The following ANO4 variants were observed in gnomAD, a reference collection of about 807,000 sequenced individuals.
ANO4 encodes anoctamin-4.
In ANO4, 69 loss-of-function variants were observed where a neutral mutation model predicts 141.9. That is an observed-to-expected ratio of 0.49 (90% CI 0.40 to 0.59). The LOEUF (loss-of-function observed/expected upper bound fraction) is 0.59. Among genes scored for constraint, ANO4 ranks in the 20% least tolerant of loss-of-function variants. The probability of loss-of-function intolerance (pLI) is 0.00; values close to 1 mark genes in which losing one functional copy is unlikely to be tolerated. For missense variants in ANO4, 894 were observed against 1,162.2 expected (o/e 0.77, Z 3.36); for synonymous variants, 350 against 394.3 (o/e 0.89, Z 1.33).
At chr12:100,828,511 T>C (rs994803550) in intron 1 of ANO4, among the ~76,000 whole-genome samples, 1 of 152,076 alleles carries the variant, frequency 6.6e-6, no homozygotes, top group African/African-American at 2.4e-5. Context: ...TCAAAATGAC[T>C]AGTATTTACA....
chr12:101,100,063 GAATAAT>G (rs781699463), intron 22 of ANO4, among the ~76,000 whole-genome samples: 42 of 152,222 alleles, frequency 2.8e-4, no homozygotes, highest in Non-Finnish European at 5.3e-4. Context: ...TCTAAAGTGG[GAATAAT>G]AATAAGAGGA....
chr12:100,936,021 A>C (rs933067331), intron 3 of ANO4, among the ~76,000 whole-genome samples: 11 of 152,160 alleles, frequency 7.2e-5, no homozygotes, highest in Admixed American at 2.6e-4. Flanking sequence ...CTCTCACAGC[A>C]GACTTTCTAA....
At chr12:100,876,134 G>A (rs192861011) in intron 1 of ANO4, among the ~76,000 whole-genome samples, 5 of 151,942 alleles carry the variant, frequency 3.3e-5, no homozygotes, top group African/African-American at 4.8e-5. Context: ...TTTATTTTTC[G>A]CCAGGCCCTA....
intron 1 of ANO4, among the ~76,000 whole-genome samples, chr12:100,799,638 G>A (rs2034559578): frequency 6.6e-6 from 1 of 152,146 alleles, no homozygotes; most frequent in South Asian, 2.1e-4. Context: ...CTACTCAGGA[G>A]GCTGAGGTAA....
chr12:100,792,521 A>G (rs1274194470), upstream of ANO4, among the ~76,000 whole-genome samples: 1 of 152,268 alleles, frequency 6.6e-6, no homozygotes, highest in Non-Finnish European at 1.5e-5. Context: ...GTACATTACA[A>G]AAATTAATGT....
At chr12:100,825,735 A>G (rs779181374) in intron 1 of ANO4, among the ~76,000 whole-genome samples, 1 of 152,082 alleles carries the variant, frequency 6.6e-6, no homozygotes, top group Non-Finnish European at 1.5e-5. Context: ...ACACATAATT[A>G]ACACTAATAC....
intron 1 of ANO4, among the ~76,000 whole-genome samples, chr12:100,802,651 GTACTTA>G (rs1186542216): frequency 6.6e-6 from 1 of 152,182 alleles, no homozygotes; most frequent in East Asian, 1.9e-4. Flanking sequence ...CACTCCACAA[GTACTTA>G]ATCGAGCACG....
At chr12:100,885,346 ATCT>A (rs2039776860) in intron 1 of ANO4, 1 of 152,174 alleles carries the variant, frequency 6.6e-6, no homozygotes, top group South Asian at 2.1e-4. Context: ...TTACCAGCCC[ATCT>A]TCTTATGTTT....
intron 2 of ANO4, among the ~76,000 whole-genome samples, chr12:100,916,412 TATTC>T (rs1417752624): frequency 6.6e-6 from 1 of 152,170 alleles, no homozygotes; most frequent in African/African-American, 2.4e-5. Context: ...TCATTATTGT[TATTC>T]ATAATGTGAA....
At chr12:101,080,883 T>A (rs200734062) in intron 15 of ANO4, among the ~76,000 whole-genome samples, 1,284 of 74,054 alleles carry the variant, frequency 0.017, 43 homozygotes, top group African/African-American at 0.046. Flanking sequence ...TATATATATA[T>A]TATATATATA....
intron 1 of ANO4, among the ~76,000 whole-genome samples, chr12:100,863,405 C>T (rs1032072658): frequency 2.6e-5 from 4 of 152,136 alleles, no homozygotes; most frequent in African/African-American, 9.7e-5. Flanking sequence ...TTTCAATACT[C>T]AGCTCAAGTG....
At position 101,079,397 on chromosome 12, in the gene ANO4, A is replaced by G. The variant is rs2049153843; in HGVS notation, c.1395+122A>G. On this transcript the variant is annotated intron_variant, in intron 15 of 27. Transcript: ENST00000392977. Reference sequence around the variant, plus strand: ...TCAGGTGTACTCATAAAGCATTTTCAATTGCCTTTTCAGAAAATTTCAAGC... The same window carrying G: ...TCAGGTGTACTCATAAAGCATTTTCGATTGCCTTTTCAGAAAATTTCAAGC... 7 of 793,638 alleles carry G rather than the reference A, an allele frequency of 8.8e-6. No homozygotes were observed. In the East Asian group the frequency reaches 1.9e-4, roughly 22 times the overall value. 49.2% of individuals were successfully genotyped at this position (793,638 alleles called of 1,614,324 possible). A position where few individuals can be genotyped will look rare whatever the true frequency, so the allele number is the denominator to read the frequency against.
At chr12:100,893,194 T>C (rs1181778101) in intron 1 of ANO4, among the ~76,000 whole-genome samples, 1 of 151,288 alleles carries the variant, frequency 6.6e-6, no homozygotes, top group Non-Finnish European at 1.5e-5. Context: ...TAGGAGAATA[T>C]ATTGGATTAG....
chr12:101,061,333 A>T, intron 14 of ANO4, among the ~76,000 whole-genome samples: 1 of 150,654 alleles, frequency 6.6e-6, no homozygotes, highest in Non-Finnish European at 1.5e-5. Flanking sequence ...TTTCATTTTA[A>T]CCTTGGTGAA....
chr12:100,847,549 G>A (rs111272431), intron 1 of ANO4, among the ~76,000 whole-genome samples: 15,040 of 148,550 alleles, frequency 0.1, 865 homozygotes, highest in South Asian at 0.17. Flanking sequence ...TCGGCTCACT[G>A]CAAGCTCCGC....
intron 1 of ANO4, among the ~76,000 whole-genome samples, chr12:100,822,692 C>T (rs945051081): frequency 2.0e-5 from 3 of 151,910 alleles, no homozygotes; most frequent in Non-Finnish European, 2.9e-5. Flanking sequence ...ATCTGATCAG[C>T]CATGGCTTAT....
At chr12:100,736,870 A>G (rs943102400) in intron 2 of ANO4, among the ~76,000 whole-genome samples, 18 of 152,184 alleles carry the variant, frequency 1.2e-4, no homozygotes, top group African/African-American at 4.3e-4. Flanking sequence ...GGAGAGAGGC[A>G]TGGAACAGAT....
chr12:100,726,809 G>A (rs1474941182), intron 1 of ANO4, among the ~76,000 whole-genome samples: 2 of 151,936 alleles, frequency 1.3e-5, no homozygotes, highest in African/African-American at 4.8e-5. Flanking sequence ...GACATTTTTG[G>A]TTGTGTTTTG....
chr12:101,002,376 C>T (rs1056483704), intron 8 of ANO4, among the ~76,000 whole-genome samples: 10 of 152,214 alleles, frequency 6.6e-5, no homozygotes, highest in African/African-American at 1.2e-4. Flanking sequence ...AGTAGTGCCA[C>T]GTGTAGTAAC....
Sources: gnomAD v4.1 joint callset for allele counts (sites outside exome capture counted in the v4.1 genomes callset) on GRCh38, gnomAD v4.1.1 for gene constraint, MANE v1.5 for transcripts, NCBI Gene and HGNC (gene_info 2026-07-23, HGNC 2026-07-21) for gene names.